Variants in ADARB2 observed in about 807,000 individuals in gnomAD.
ADARB2 encodes the protein inactive double-stranded RNA-specific editase B2.
Under a neutral mutation model 62.2 loss-of-function variants are expected in ADARB2, and 25 were observed. The observed-to-expected ratio is 0.40, with a 90% CI of 0.29 to 0.56. The LOEUF (loss-of-function observed/expected upper bound fraction) is 0.56, where lower values mean the gene tolerates loss of function less well. Ranked by LOEUF, ADARB2 falls within the 20% of genes least tolerant of loss-of-function variation. ADARB2 has a pLI of 0.43. For synonymous variants in ADARB2, 572 were observed against 500.8 expected, an observed-to-expected ratio of 1.14 and a Z score of -1.90; for missense variants, 1,071 against 1,077.4, an observed-to-expected ratio of 0.99 and a Z score of 0.08.
At position 1,240,299 on chromosome 10, in the gene ADARB2, T is replaced by TGGTGTTTA. The variant is rs1830901942; in HGVS notation, c.1361+1831_1361+1832insTAAACACC. On this transcript the variant is annotated intron_variant, in intron 5 of 9. Transcript: ENST00000381312. ...CTCTGCCTCCCGGTGTTTACTCCCC[T>TGGTGTTTA]CTCCCTCCCGGTGTTTACTCCCCTC... 3 of 86,574 alleles carry TGGTGTTTA rather than the reference T, an allele frequency of 3.5e-5. 1 individual carries two copies. The highest frequency in any genetic ancestry group is 1.8e-4 in the African/African-American group (3 of 16,870). 5.4% of individuals were successfully genotyped at this position (86,574 alleles called of 1,614,324 possible).
intron 3 of ADARB2, among the ~76,000 whole-genome samples, chr10:1,302,457 G>A (rs1420289874): frequency 1.3e-5 from 2 of 152,044 alleles, no homozygotes; most frequent in Non-Finnish European, 2.9e-5. Context: ...GGGGAGGGGC[G>A]CCCACCATTG....
chr10:1,358,648 A>AAAACAG (rs1456421571), intron 3 of ADARB2, among the ~76,000 whole-genome samples: 1 of 37,262 alleles, frequency 2.7e-5, no homozygotes. Context: ...TTTTTTCAGC[A>AAAACAG]AAACAAAGAT....
chr10:1,295,464 T>C (rs913583573), intron 3 of ADARB2, among the ~76,000 whole-genome samples: 6 of 152,164 alleles, frequency 3.9e-5, no homozygotes, highest in Non-Finnish European at 5.9e-5. Context: ...CCAGGAAATG[T>C]TGGGGACAAC....
chr10:1,444,727 T>A (rs937683309), intron 1 of ADARB2, among the ~76,000 whole-genome samples: 2 of 145,374 alleles, frequency 1.4e-5, no homozygotes, highest in African/African-American at 5.1e-5. Context: ...CACTCATCCA[T>A]CTATCTATCC....
Position 1,437,691 on chromosome 10 carries a change from C to T in ADARB2, c.101-58531G>A, listed in dbSNP as rs189524545. On this transcript the variant is annotated intron_variant, in intron 1 of 9. Coordinates refer to ENST00000381312, the MANE Select transcript of ADARB2 (RefSeq NM_018702.4). ...GATGAGGATCCTGGCCTTGGAAGAG[C>T]GTCCTGGGCAGGAGTGGGGTTTGGA... Among the ~76,000 whole-genome samples, 51 of 152,260 alleles carry T rather than the reference C, an allele frequency of 3.3e-4. No homozygotes were observed. The East Asian group carries it at 9.9e-3, about 29-fold the overall frequency.
chr10:1,201,087 A>G (rs990291538), intron 7 of ADARB2, among the ~76,000 whole-genome samples: 2 of 152,238 alleles, frequency 1.3e-5, no homozygotes, highest in African/African-American at 4.8e-5. Context: ...CGTGATACCA[A>G]TTGCTTTAAA....
chr10:1,705,040 G>T lies in ADARB2; in HGVS notation c.100+32011C>A, dbSNP rs1834871604. 2.6e-5 allele frequency among the ~76,000 whole-genome samples: 4 copies of T among 152,096 alleles called. No individual in the cohort carries two copies. The South Asian group carries it at 8.3e-4, about 32-fold the overall frequency. On this transcript the variant is annotated intron_variant, in intron 1 of 9. Coordinates refer to ENST00000381312, the MANE Select transcript of ADARB2 (RefSeq NM_018702.4). The stretch of plus-strand genomic sequence containing the variant: ...CTTTTCAATATGTGTGAAAAAAATT[G>T]CAGCTGAAATCCCATAATTTCATTA...
intron 1 of ADARB2, among the ~76,000 whole-genome samples, chr10:1,492,297 G>T (rs1831631970): frequency 6.6e-6 from 1 of 152,174 alleles, no homozygotes; most frequent in Admixed American, 6.5e-5. Context: ...CCTAACCCAT[G>T]GGACCTCAGG....
intron 1 of ADARB2, among the ~76,000 whole-genome samples, chr10:1,629,587 G>T (rs1390934347): frequency 1.6e-5 from 2 of 122,078 alleles, no homozygotes; most frequent in African/African-American, 6.4e-5. Flanking sequence ...AGCCCCTCAG[G>T]TCGTCACAAA....
chr10:1,667,602 G>T (rs1447329329), intron 1 of ADARB2, among the ~76,000 whole-genome samples: 1 of 152,158 alleles, frequency 6.6e-6, no homozygotes, highest in African/African-American at 2.4e-5. Context: ...ATTCAAAGGG[G>T]TGTTTACCAT....
intron 1 of ADARB2, among the ~76,000 whole-genome samples, chr10:1,490,486 G>A (rs940582847): frequency 2.0e-4 from 31 of 151,772 alleles, no homozygotes; most frequent in Non-Finnish European, 2.8e-4. Context: ...ACAGAGTCTC[G>A]CTCTGTGGCC....
chr10:1,247,098 G>C (rs1003516480), intron 4 of ADARB2, among the ~76,000 whole-genome samples: 85 of 152,248 alleles, frequency 5.6e-4, no homozygotes, highest in African/African-American at 2.0e-3. Flanking sequence ...TGAAGCAATT[G>C]TGAAAGGGAG....
At chr10:1,662,554 A>G (rs1227790453) in intron 1 of ADARB2, among the ~76,000 whole-genome samples, 1 of 152,190 alleles carries the variant, frequency 6.6e-6, no homozygotes, top group Admixed American at 6.5e-5. Context: ...GCATGGTTTT[A>G]TGCTGCTTAG....
chr10:1,367,319 A>G (rs912164063), intron 2 of ADARB2, among the ~76,000 whole-genome samples: 7 of 152,124 alleles, frequency 4.6e-5, no homozygotes, highest in Non-Finnish European at 7.4e-5. Flanking sequence ...TCTATTTCTC[A>G]TTTGAATTTT....
intron 1 of ADARB2, among the ~76,000 whole-genome samples, chr10:1,650,223 G>T (rs1834092895): frequency 6.6e-6 from 1 of 152,178 alleles, no homozygotes; most frequent in Admixed American, 6.5e-5. Context: ...TTATAGCCTA[G>T]TTTATGTTTT....
chr10:1,546,794 C>T (rs370489472), intron 1 of ADARB2, among the ~76,000 whole-genome samples: 12 of 152,236 alleles, frequency 7.9e-5, no homozygotes, highest in African/African-American at 2.7e-4. Flanking sequence ...ATAGCCATTC[C>T]GATGGAAGGC....
chr10:1,266,379 G>T (rs1831200729), intron 4 of ADARB2, among the ~76,000 whole-genome samples: 1 of 152,204 alleles, frequency 6.6e-6, no homozygotes, highest in African/African-American at 2.4e-5. Context: ...CTGCTCTCTG[G>T]GGAGAATGCC....
At chr10:1,370,452 A>G (rs1490180691) in intron 2 of ADARB2, among the ~76,000 whole-genome samples, 1 of 152,212 alleles carries the variant, frequency 6.6e-6, no homozygotes, top group African/African-American at 2.4e-5. Flanking sequence ...TAACCAGAGA[A>G]ATCAGGCAAG....
At chr10:1,186,575 C>T (rs1437074887) in intron 8 of ADARB2, 2 of 518,872 alleles carry the variant, frequency 3.9e-6, no homozygotes, top group African/African-American at 3.8e-5. Context: ...TCAGCTCTGC[C>T]TCTCCAGCCC....
Sources: allele counts gnomAD v4.1 joint callset (sites outside exome capture counted in the v4.1 genomes callset), GRCh38; gene constraint gnomAD v4.1.1; transcripts MANE v1.5; gene names NCBI Gene and HGNC (gene_info 2026-07-23, HGNC 2026-07-21).